The following PCCA variants were observed in gnomAD, a reference collection of about 807,000 sequenced individuals.
The protein encoded by PCCA is propionyl-CoA carboxylase subunit alpha, also known as propionyl-CoA carboxylase alpha chain, mitochondrial.
PCCA carries 74 observed loss-of-function variants against 101.3 expected under a neutral mutation model. That is an observed-to-expected ratio of 0.73 (90% CI 0.61 to 0.89). The LOEUF (loss-of-function observed/expected upper bound fraction) is 0.89, where lower values mean the gene tolerates loss of function less well. Among genes scored for constraint, PCCA ranks in the 40% least tolerant of loss-of-function variants. The probability of loss-of-function intolerance (pLI) is 0.00; values close to 1 mark genes in which losing one functional copy is unlikely to be tolerated. For synonymous variants in PCCA, 294 were observed against 313.6 expected (o/e 0.94, Z 0.66); for missense variants, 891 against 907.0 (o/e 0.98, Z 0.23).
At chr13:100,490,182 A>G (rs1252425446) in intron 21 of PCCA, 1 of 152,198 alleles carries the variant, frequency 6.6e-6, no homozygotes, top group Non-Finnish European at 1.5e-5. Flanking sequence ...GAAGCCAGCT[A>G]TTATAAATTA....
chr13:100,366,626 C>A (rs2075186517), intron 18 of PCCA, among the ~76,000 whole-genome samples: 1 of 151,916 alleles, frequency 6.6e-6, no homozygotes, highest in African/African-American at 2.4e-5. Context: ...TTTTCTTTCC[C>A]TCTCCTCCTC....
intron 4 of PCCA, among the ~76,000 whole-genome samples, chr13:100,144,843 G>A (rs2052338665): frequency 6.6e-6 from 1 of 152,198 alleles, no homozygotes; most frequent in Non-Finnish European, 1.5e-5. Flanking sequence ...CCTGGAAACA[G>A]TGAGGAATTT....
chr13:100,500,133 T>G (rs1452817253), intron 21 of PCCA, among the ~76,000 whole-genome samples: 3 of 151,864 alleles, frequency 2.0e-5, no homozygotes, highest in Non-Finnish European at 4.4e-5. Flanking sequence ...CATTTTCCCC[T>G]GAGACTGTCT....
intron 11 of PCCA, among the ~76,000 whole-genome samples, chr13:100,269,042 T>G (rs1198612737): frequency 6.6e-6 from 1 of 152,078 alleles, no homozygotes; most frequent in African/African-American, 2.4e-5. Flanking sequence ...GAGATGGGGT[T>G]TTGTCATGTT....
intron 2 of PCCA, among the ~76,000 whole-genome samples, chr13:100,109,426 G>A (rs1268288709): frequency 1.3e-5 from 2 of 152,156 alleles, no homozygotes; most frequent in East Asian, 3.9e-4. Context: ...TTCTTCCATT[G>A]TTATCATGAT....
chr13:100,467,902 T>C (rs910984230), intron 21 of PCCA, among the ~76,000 whole-genome samples: 8 of 152,210 alleles, frequency 5.3e-5, no homozygotes, highest in Admixed American at 1.3e-4. Context: ...AGGTTTTCAA[T>C]TTACTTTGCC....
chr13:100,226,842 T>C (rs563791741), intron 7 of PCCA, among the ~76,000 whole-genome samples: 7 of 152,262 alleles, frequency 4.6e-5, no homozygotes, highest in African/African-American at 1.7e-4. Context: ...TTCTAATGTG[T>C]TTCAGCCTTG....
intron 1 of PCCA, among the ~76,000 whole-genome samples, chr13:100,091,453 G>A (rs1174344497): frequency 1.3e-5 from 2 of 152,082 alleles, no homozygotes; most frequent in Non-Finnish European, 2.9e-5. Context: ...TGTTTGTGCC[G>A]GTAAAGAATT....
intron 4 of PCCA, among the ~76,000 whole-genome samples, chr13:100,144,699 C>CCAGA (rs2052321683): frequency 1.3e-5 from 2 of 152,056 alleles, no homozygotes; most frequent in Admixed American, 1.3e-4. Flanking sequence ...TTGGGATGAG[C>CCAGA]CAGACTTCAT....
At chr13:100,297,259 T>C (rs1335226373) in intron 12 of PCCA, among the ~76,000 whole-genome samples, 3 of 152,184 alleles carry the variant, frequency 2.0e-5, no homozygotes, top group Non-Finnish European at 4.4e-5. Context: ...AAGTATCTTA[T>C]AGGGAGATAC....
intron 19 of PCCA, among the ~76,000 whole-genome samples, chr13:100,414,412 A>G (rs916607651): frequency 1.3e-5 from 2 of 152,226 alleles, no homozygotes; most frequent in African/African-American, 2.4e-5. Context: ...CAGGGTAAAG[A>G]AAGCCTCCCC....
chr13:100,478,661 C>G (rs554194639), intron 21 of PCCA, among the ~76,000 whole-genome samples: 1 of 152,158 alleles, frequency 6.6e-6, no homozygotes, highest in South Asian at 2.1e-4. Context: ...CACAGCCAGG[C>G]GTACTGTAGC....
intron 19 of PCCA, among the ~76,000 whole-genome samples, chr13:100,414,519 C>CA (rs1466956836): frequency 6.6e-6 from 1 of 152,174 alleles, no homozygotes; most frequent in Non-Finnish European, 1.5e-5. Flanking sequence ...TGAGTTTTGT[C>CA]ATGCTTTGCC....
At chr13:100,434,551 T>C (rs566315462) in intron 20 of PCCA, among the ~76,000 whole-genome samples, 1 of 152,228 alleles carries the variant, frequency 6.6e-6, no homozygotes, top group East Asian at 1.9e-4. Flanking sequence ...TGGGATACTT[T>C]CATGTGGATT....
At chr13:100,090,909 C>T (rs2046222967) in intron 1 of PCCA, among the ~76,000 whole-genome samples, 1 of 152,218 alleles carries the variant, frequency 6.6e-6, no homozygotes, top group Non-Finnish European at 1.5e-5. Flanking sequence ...TCATACTATG[C>T]TATCTACGGT....
chr13:100,117,833 G>A (rs375614667), intron 4 of PCCA, among the ~76,000 whole-genome samples: 1 of 151,788 alleles, frequency 6.6e-6, no homozygotes, highest in African/African-American at 2.4e-5. Context: ...GAAAAAAAAA[G>A]AGGCCGGGCG....
At chr13:100,258,748 A>G (rs182025532) in intron 9 of PCCA, among the ~76,000 whole-genome samples, 2 of 152,334 alleles carry the variant, frequency 1.3e-5, no homozygotes, top group East Asian at 1.9e-4. Context: ...ATCCATTCAT[A>G]TATTAGGCAT....
chr13:100,316,856 C>T (rs2067402412), intron 16 of PCCA, among the ~76,000 whole-genome samples: 1 of 151,964 alleles, frequency 6.6e-6, no homozygotes, highest in Non-Finnish European at 1.5e-5. Context: ...TCATTGCAGC[C>T]TCTGCCTCCC....
At chr13:100,462,030 G>C (rs2082196678) in intron 21 of PCCA, among the ~76,000 whole-genome samples, 1 of 152,154 alleles carries the variant, frequency 6.6e-6, no homozygotes, top group Admixed American at 6.5e-5. Context: ...ACTTTGTGGA[G>C]GGGTGATGAA....
Sources: allele counts gnomAD v4.1 joint callset (sites outside exome capture counted in the v4.1 genomes callset), GRCh38; gene constraint gnomAD v4.1.1; transcripts MANE v1.5; gene names NCBI Gene and HGNC (gene_info 2026-07-23, HGNC 2026-07-21).